MBD5: variants seen among roughly 807,000 people sequenced by gnomAD.
The protein encoded by MBD5 is methyl-CpG-binding domain protein 5.
MBD5 carries 13 observed loss-of-function variants against 117.3 expected under a neutral mutation model. That is an observed-to-expected ratio of 0.11 (90% CI 0.07 to 0.18). MBD5 has a LOEUF of 0.18. Among genes scored for constraint, MBD5 ranks in the 10% least tolerant of loss-of-function variants. MBD5 has a pLI of 1.00. For missense variants in MBD5, 1,879 were observed against 2,093.8 expected, an observed-to-expected ratio of 0.90 and a Z score of 2.00; for synonymous variants, 727 against 766.4, an observed-to-expected ratio of 0.95 and a Z score of 0.85.
At chr2:148,424,060 C>T (rs568134526) in intron 4 of MBD5, among the ~76,000 whole-genome samples, 1 of 151,240 alleles carries the variant, frequency 6.6e-6, no homozygotes, top group East Asian at 2.0e-4. Context: ...TGCCTGTAGC[C>T]CCAGCTACTC....
At chr2:148,288,463 A>C (rs553399470) in intron 3 of MBD5, among the ~76,000 whole-genome samples, 1 of 150,808 alleles carries the variant, frequency 6.6e-6, no homozygotes, top group Admixed American at 6.6e-5. Flanking sequence ...AGCATTGACT[A>C]AAGTGGGCTG....
chr2:148,381,790 T>A (rs1015076488), intron 4 of MBD5, among the ~76,000 whole-genome samples: 4 of 151,834 alleles, frequency 2.6e-5, no homozygotes, highest in African/African-American at 9.7e-5. Flanking sequence ...CAGAAGAGAG[T>A]GGGGGCCAAT....
intron 1 of MBD5, among the ~76,000 whole-genome samples, chr2:148,148,415 A>G (rs563621978): frequency 6.6e-6 from 1 of 152,318 alleles, no homozygotes; most frequent in South Asian, 2.1e-4. Context: ...ATGCCACAAG[A>G]TTCGCTCTTC....
At chr2:148,262,066 A>G (rs192268921) in intron 3 of MBD5, among the ~76,000 whole-genome samples, 2 of 152,314 alleles carry the variant, frequency 1.3e-5, no homozygotes, top group East Asian at 1.9e-4. Context: ...ACGGATCACT[A>G]TATTAGATGC....
At chr2:148,414,583 G>A (rs1705365088) in intron 4 of MBD5, among the ~76,000 whole-genome samples, 1 of 152,074 alleles carries the variant, frequency 6.6e-6, no homozygotes, top group Admixed American at 6.6e-5. Flanking sequence ...CACTATTATA[G>A]CGTGGGACTC....
intron 1 of MBD5, among the ~76,000 whole-genome samples, chr2:148,154,129 C>A (rs9752128): frequency 0.39 from 39,494 of 101,430 alleles, 8,416 homozygotes; most frequent in Middle Eastern, 0.53. Flanking sequence ...TGTGGATGTC[C>A]TTTCTGTTTG....
chr2:148,419,364 A>G (rs1705527002), intron 4 of MBD5, among the ~76,000 whole-genome samples: 1 of 152,164 alleles, frequency 6.6e-6, no homozygotes, highest in East Asian at 1.9e-4. Context: ...AATATGACAC[A>G]AATACACAAA....
intron 4 of MBD5, among the ~76,000 whole-genome samples, chr2:148,456,392 T>C (rs1706884462): frequency 6.6e-6 from 1 of 152,156 alleles, no homozygotes; most frequent in Admixed American, 6.6e-5. Flanking sequence ...CCAAAGGCTC[T>C]ATCTCCTAAT....
At chr2:148,170,236 GC>G (rs936384044) in intron 1 of MBD5, among the ~76,000 whole-genome samples, 4 of 152,144 alleles carry the variant, frequency 2.6e-5, no homozygotes, top group African/African-American at 9.7e-5. Context: ...GATAATAGTT[GC>G]ATTAAAATCA....
intron 1 of MBD5, among the ~76,000 whole-genome samples, chr2:148,061,522 T>C (rs984291422): frequency 2.3e-4 from 35 of 152,046 alleles, no homozygotes; most frequent in Non-Finnish European, 1.3e-4. Context: ...TTCATATTAT[T>C]AAAAATTGTC....
intron 4 of MBD5, among the ~76,000 whole-genome samples, chr2:148,352,905 T>C (rs1324273626): frequency 6.6e-6 from 1 of 152,132 alleles, no homozygotes; most frequent in Non-Finnish European, 1.5e-5. Flanking sequence ...TATAATAGCA[T>C]GTAAAATTTT....
chr2:148,104,224 A>T (rs1477798658), intron 1 of MBD5, among the ~76,000 whole-genome samples: 1 of 152,104 alleles, frequency 6.6e-6, no homozygotes, highest in East Asian at 1.9e-4. Context: ...TTGTAAGCTG[A>T]CTGTTTTTCA....
At chr2:148,304,785 G>A (rs1404742246) in intron 3 of MBD5, among the ~76,000 whole-genome samples, 23 of 152,168 alleles carry the variant, frequency 1.5e-4, no homozygotes, top group Admixed American at 1.4e-3. Flanking sequence ...AAGGCACGCC[G>A]GGCGCGGTGG....
At chr2:148,043,414 C>G (rs569642443) in intron 1 of MBD5, among the ~76,000 whole-genome samples, 1 of 151,748 alleles carries the variant, frequency 6.6e-6, no homozygotes, top group South Asian at 2.1e-4. Flanking sequence ...GATCGTGCCA[C>G]TGCACTCCTG....
intron 1 of MBD5, among the ~76,000 whole-genome samples, chr2:148,039,385 A>T (rs931450848): frequency 6.6e-6 from 1 of 152,208 alleles, no homozygotes; most frequent in East Asian, 1.9e-4. Flanking sequence ...CGAATATGCA[A>T]AGTTCGTAAA....
chr2:148,512,060 A>G (rs1429638907), intron 13 of MBD5, among the ~76,000 whole-genome samples: 4 of 152,228 alleles, frequency 2.6e-5, no homozygotes, highest in Non-Finnish European at 5.9e-5. Flanking sequence ...AATGCTGATT[A>G]AGCATTTGCT....
At chr2:148,438,879 GAGA>G (rs1706232932) in intron 4 of MBD5, among the ~76,000 whole-genome samples, 1 of 152,152 alleles carries the variant, frequency 6.6e-6, no homozygotes. Context: ...CCAACGCTGA[GAGA>G]AGATCTTTCC....
intron 1 of MBD5, among the ~76,000 whole-genome samples, chr2:148,040,464 C>G (rs1320930276): frequency 6.6e-6 from 1 of 152,088 alleles, no homozygotes; most frequent in Non-Finnish European, 1.5e-5. Context: ...CCTTTTGATT[C>G]TTTAATTCTA....
At chr2:148,061,603 A>G (rs1695037941) in intron 1 of MBD5, among the ~76,000 whole-genome samples, 1 of 151,870 alleles carries the variant, frequency 6.6e-6, no homozygotes, top group Non-Finnish European at 1.5e-5. Context: ...TAGGTTGTTT[A>G]CAGTATTTCA....
Sources: allele counts gnomAD v4.1 joint callset (sites outside exome capture counted in the v4.1 genomes callset), GRCh38; gene constraint gnomAD v4.1.1; transcripts MANE v1.5; gene names NCBI Gene and HGNC (gene_info 2026-07-23, HGNC 2026-07-21).